ADGRL3: variants seen among roughly 807,000 people sequenced by gnomAD.
ADGRL3 encodes calcium-independent alpha-latrotoxin receptor 3.
Under a neutral mutation model 153.5 loss-of-function variants are expected in ADGRL3, and 62 were observed. That is an observed-to-expected ratio of 0.40 (90% CI 0.33 to 0.50). The LOEUF (loss-of-function observed/expected upper bound fraction) is 0.50, where lower values mean the gene tolerates loss of function less well. ADGRL3 is among the 20% of genes least tolerant of loss of function. The pLI is 0.47. For missense variants in ADGRL3, 1,641 were observed against 1,859.4 expected (o/e 0.88, Z 2.16); for synonymous variants, 710 against 672.5 (o/e 1.06, Z -0.86).
At chr4:61,771,202 T>TTCCACTGTGGGCATGTTTAGGCA in intron 8 of ADGRL3, among the ~76,000 whole-genome samples, 1 of 152,164 alleles carries the variant, frequency 6.6e-6, no homozygotes, top group Non-Finnish European at 1.5e-5. Context: ...GAATGGAATT[T>TTCCACTGTGGGCATGTTTAGGCA]TCCACTGTGG....
chr4:61,410,302 C>T (rs1028234232), intron 2 of ADGRL3, among the ~76,000 whole-genome samples: 9 of 152,058 alleles, frequency 5.9e-5, no homozygotes, highest in Non-Finnish European at 1.2e-4. Context: ...ATATTCTCAA[C>T]GATATTCCCC....
At chr4:62,068,405 C>T (rs1744122237) in intron 26 of ADGRL3, among the ~76,000 whole-genome samples, 1 of 152,110 alleles carries the variant, frequency 6.6e-6, no homozygotes, top group African/African-American at 2.4e-5. Context: ...TGTTAAGTTT[C>T]ATGTAATGTT....
intron 5 of ADGRL3, among the ~76,000 whole-genome samples, chr4:61,666,386 A>G (rs1380164708): frequency 6.6e-6 from 1 of 152,148 alleles, no homozygotes. Flanking sequence ...ACTTGGAAAT[A>G]TCACATATTG....
At chr4:61,832,075 T>C (rs895532401) in intron 9 of ADGRL3, among the ~76,000 whole-genome samples, 3 of 152,086 alleles carry the variant, frequency 2.0e-5, no homozygotes, top group African/African-American at 7.2e-5. Flanking sequence ...TGCCCTCTAA[T>C]GTTCACTGAA....
intron 1 of ADGRL3, among the ~76,000 whole-genome samples, chr4:61,233,034 T>C (rs1376815006): frequency 6.6e-6 from 1 of 152,200 alleles, no homozygotes; most frequent in Non-Finnish European, 1.5e-5. Flanking sequence ...GCTTGAATAT[T>C]TGTATAGATT....
chr4:61,384,960 A>G, intron 2 of ADGRL3, among the ~76,000 whole-genome samples: 1 of 152,134 alleles, frequency 6.6e-6, no homozygotes, highest in Admixed American at 6.6e-5. Context: ...TTGGGGAAAT[A>G]AAAATATTCT....
chr4:61,979,777 G>A lies in ADGRL3; in HGVS notation c.3015+5G>A, dbSNP rs1331274019. On this transcript the variant is annotated splice_donor_5th_base_variant and intron_variant, in intron 18 of 26. Coordinates refer to ENST00000683033, the MANE Select transcript of ADGRL3 (RefSeq NM_001387552.1). ...ATCAACCGAACTGACCAACCAGTAA[G>A]CAACCTACATTGATACCAGTGAAGA... 1.2e-6 allele frequency: 2 copies of A among 1,612,102 alleles called. No individual in the cohort carries two copies. The highest frequency in any genetic ancestry group is 1.7e-6 in the Non-Finnish European group (2 of 1,178,330).
intron 6 of ADGRL3, among the ~76,000 whole-genome samples, chr4:61,708,690 A>T (rs977344554): frequency 6.6e-6 from 1 of 152,180 alleles, no homozygotes; most frequent in Non-Finnish European, 1.5e-5. Context: ...TAAAAAATTC[A>T]AAGAAGAACA....
chr4:61,371,887 T>C (rs545384890), intron 1 of ADGRL3, among the ~76,000 whole-genome samples: 214 of 152,300 alleles, frequency 1.4e-3, no homozygotes, highest in African/African-American at 4.8e-3. Flanking sequence ...GTAGATTTGG[T>C]CTTTTCACAT....
chr4:61,928,656 G>T (rs1247059087), intron 13 of ADGRL3, among the ~76,000 whole-genome samples: 1 of 152,036 alleles, frequency 6.6e-6, no homozygotes, highest in Non-Finnish European at 1.5e-5. Context: ...TATTCATAGT[G>T]TCCTGTATGC....
At chr4:61,701,438 T>TTTTC (rs2095757251) in intron 6 of ADGRL3, among the ~76,000 whole-genome samples, 1 of 143,930 alleles carries the variant, frequency 6.9e-6, no homozygotes, top group Admixed American at 7.0e-5. Context: ...CAATTTTTTT[T>TTTTC]TTTTTTTTTT....
chr4:61,753,407 A>G (rs899531292), intron 8 of ADGRL3, among the ~76,000 whole-genome samples: 3 of 152,190 alleles, frequency 2.0e-5, no homozygotes, highest in Non-Finnish European at 4.4e-5. Flanking sequence ...TGTAGTCTGA[A>G]TGCCTCTGGT....
chr4:61,436,595 A>G (rs1441874959), intron 2 of ADGRL3, among the ~76,000 whole-genome samples: 1 of 152,198 alleles, frequency 6.6e-6, no homozygotes, highest in Non-Finnish European at 1.5e-5. Context: ...GCCAAAGTTC[A>G]TAGAGGAAAG....
chr4:62,063,468 T>A (rs2151880445), intron 25 of ADGRL3: 1 of 631,936 alleles, frequency 1.6e-6, no homozygotes, highest in Non-Finnish European at 2.8e-6. Context: ...ATTGACCTTT[T>A]TTTTTTTTTC....
chr4:61,805,080 C>G (rs2097540136), intron 8 of ADGRL3, among the ~76,000 whole-genome samples: 2 of 151,850 alleles, frequency 1.3e-5, no homozygotes, highest in Non-Finnish European at 2.9e-5. Context: ...CTCAGCCTCC[C>G]CAGTAGCTGG....
chr4:61,747,943 G>A (rs2096691724), intron 8 of ADGRL3, among the ~76,000 whole-genome samples: 1 of 152,196 alleles, frequency 6.6e-6, no homozygotes, highest in South Asian at 2.1e-4. Context: ...TGACATGATT[G>A]TATATATAGG....
intron 1 of ADGRL3, among the ~76,000 whole-genome samples, chr4:61,291,121 A>T (rs2094162134): frequency 6.6e-6 from 1 of 150,950 alleles, no homozygotes; most frequent in Non-Finnish European, 1.5e-5. Context: ...AGTTTTAAAG[A>T]ACTTTGCTAT....
intron 9 of ADGRL3, among the ~76,000 whole-genome samples, chr4:61,876,274 T>C (rs1049921659): frequency 5.4e-5 from 5 of 93,272 alleles, no homozygotes; most frequent in African/African-American, 1.8e-4. Flanking sequence ...CATAAGTCTA[T>C]TTTATCCAAT....
At chr4:61,864,307 C>T (rs949044248) in intron 9 of ADGRL3, among the ~76,000 whole-genome samples, 4 of 151,846 alleles carry the variant, frequency 2.6e-5, no homozygotes, top group African/African-American at 9.7e-5. Context: ...AAAATAACTT[C>T]TCTAAGTCAA....
Sources: allele counts gnomAD v4.1 joint callset (sites outside exome capture counted in the v4.1 genomes callset), GRCh38; gene constraint gnomAD v4.1.1; transcripts MANE v1.5; gene names NCBI Gene and HGNC (gene_info 2026-07-23, HGNC 2026-07-21).